COL20A1: variants seen among roughly 807,000 people sequenced by gnomAD.
COL20A1 encodes collagen type XX alpha 1 chain.
COL20A1 carries 164 observed loss-of-function variants against 152.9 expected under a neutral mutation model. That is an observed-to-expected ratio of 1.07 (90% confidence interval 0.94 to 1.22). COL20A1 has a LOEUF of 1.22. COL20A1 is among the 50% of genes most tolerant of loss of function. COL20A1 has a pLI of 0.00. For missense variants in COL20A1, 1,873 were observed against 1,744.8 expected (o/e 1.07, Z -1.31); for synonymous variants, 864 against 756.0 (o/e 1.14, Z -2.34).
Position 63,311,562 on chromosome 20 carries a change from G to C in COL20A1, c.1539+23G>C. On this transcript the variant is annotated intron_variant, in intron 12 of 35. Transcript: ENST00000358894. The surrounding 1 kb of genome is among the most constrained non-coding windows in gnomAD (Gnocchi z 4.4). ...GAGGTGAGCTGGGCCGGGGGGTGGC[G>C]GGGGAGGCAGAGGAGTGGGGCAGAG... The C allele has an allele frequency of 6.2e-7, 1 of 1,606,662 alleles. No homozygotes were observed.
chr20:63,326,885 C>T, intron 31 of COL20A1, 62 bp downstream of exon 31: 1 of 1,176,538 alleles, frequency 8.5e-7, no homozygotes, highest in Non-Finnish European at 1.2e-6. Flanking sequence ...GTGCAAGCCC[C>T]ACATGCAACC....
In COL20A1 at chr20:63,322,607, G is replaced by T. The variant is rs79169316; in HGVS notation, c.3294+496G>T. On this transcript the variant is annotated intron_variant, in intron 27 of 35. Transcript: ENST00000358894. ...TCGGGGGCGGAGGTTCTGGTTCTGC[G>T]GAGAGGGATGTTGAAGACAGCGCGC... 1.3e-4 allele frequency among the ~76,000 whole-genome samples: 20 copies of T among 152,348 alleles called. No individual in the cohort carries two copies. The East Asian group carries it at 3.9e-3, about 29-fold the overall frequency.
intron 27 of COL20A1, chr20:63,324,351 T>G (rs928140200): frequency 7.2e-5 from 11 of 152,386 alleles, no homozygotes; most frequent in African/African-American, 2.4e-4. Flanking sequence ...CTCCAGAATT[T>G]TGTCAGAGAA....
Position 63,308,658 on chromosome 20 carries a change from A to T in COL20A1, c.892A>T (p.Thr298Ser), listed in dbSNP as rs766673950. The T allele has an allele frequency of 5.0e-6, 8 of 1,607,898 alleles. No homozygotes were observed. Among genetic ancestry groups the T allele is most frequent in the Non-Finnish European group, 6.8e-6 (8 of 1,177,688 alleles). The change falls in exon 8 of 36, where the codon ACT becomes TCT. Residue 298 changes from threonine to serine, a missense_variant. Thr to Ser is a moderately conservative substitution (Grantham distance 58). Coordinates refer to ENST00000358894, the MANE Select transcript of COL20A1 (RefSeq NM_020882.4). The part of the protein sequence containing the change: ...TDGKSQDDVH[T>S]AARVLKDLGV... ...CGGCAAGTCCCAGGACGATGTGCAC[A>T]CTGCTGCCCGTGTCCTCAAGGACCT...
chr20:63,300,949 AT>A (rs1490543777), intron 3 of COL20A1, among the ~76,000 whole-genome samples: 1 of 152,156 alleles, frequency 6.6e-6, no homozygotes, highest in East Asian at 1.9e-4. Flanking sequence ...TTTTCTACTT[AT>A]TTTTTGTTTT....
intron 27 of COL20A1, chr20:63,324,489 C>T (rs2068214380): frequency 6.6e-6 from 1 of 152,180 alleles, no homozygotes; most frequent in Non-Finnish European, 1.5e-5. Context: ...GAAGTCCATC[C>T]ACTCTTCTTT....
intron 20 of COL20A1, among the ~76,000 whole-genome samples, chr20:63,315,643 G>T (rs2068074777): frequency 6.6e-6 from 1 of 152,246 alleles, no homozygotes. Flanking sequence ...CGAAGGTTAT[G>T]TAAGGTCAGG....
intron 3 of COL20A1, among the ~76,000 whole-genome samples, chr20:63,304,223 G>C (rs2067894698): frequency 3.2e-5 from 3 of 94,548 alleles, no homozygotes; most frequent in Non-Finnish European, 4.3e-5. Context: ...CTCCCTCCAG[G>C]TGTGCACGTG....
intron 20 of COL20A1, among the ~76,000 whole-genome samples, chr20:63,316,011 T>G (rs1001874207): frequency 1.3e-5 from 2 of 152,196 alleles, no homozygotes; most frequent in African/African-American, 4.8e-5. Context: ...CACCTGCGGC[T>G]CTGCGCGGTG....
At chr20:63,303,583 G>T (rs2067884248) in intron 3 of COL20A1, among the ~76,000 whole-genome samples, 1 of 152,176 alleles carries the variant, frequency 6.6e-6, no homozygotes, top group Admixed American at 6.5e-5. Context: ...GAAATGCTTA[G>T]GATACTGCCA....
intron 19 of COL20A1, among the ~76,000 whole-genome samples, chr20:63,315,043 A>G (rs1003546783): frequency 3.4e-5 from 5 of 146,374 alleles, no homozygotes; most frequent in Admixed American, 6.7e-5. Flanking sequence ...CAGCCTGCCC[A>G]CACACCAGGC....
In COL20A1 at chr20:63,309,353, G is replaced by A. The variant is rs764357488; in HGVS notation, c.961G>A (p.Ala321Thr). The A allele has an allele frequency of 1.3e-6, 2 of 1,520,196 alleles. No homozygotes were observed. The highest frequency in any genetic ancestry group is 2.0e-5 in the Admixed American group (1 of 49,294). The allele number at this position is 1,520,196 out of a possible 1,614,324, so 94.2% of individuals were successfully genotyped here. A position where few individuals can be genotyped will look rare whatever the true frequency, so the allele number is the denominator to read the frequency against. ...FAVGVKNADEAELRLLASPPR... is the reference protein window; with the variant it reads ...FAVGVKNADETELRLLASPPR... ...AGCAGGTGTGAAGAACGCCGATGAGGCTGAGCTGAGGCTCCTGGCGTCCCC... is the reference window on the plus strand; with the variant it reads ...AGCAGGTGTGAAGAACGCCGATGAGACTGAGCTGAGGCTCCTGGCGTCCCC... The change falls in exon 9 of 36, where the codon GCT becomes ACT. Residue 321 changes from alanine (A) to threonine (T), a missense_variant. Physicochemically the swap from Ala to Thr is moderately conservative, Grantham distance 58. Transcript: ENST00000358894.
chr20:63,320,311 G>T lies in COL20A1; in HGVS notation c.3096G>T (p.Gln1032His). ...SSAAFQLQML[Q>H]IVCSDTWADE... ...TGCAGTTTCAGCTCCAGATGCTGCA[G>T]ATCGTGTGCAGTGACACCTGGGCCG... Residue 1032 changes from glutamine to histidine, a missense_variant, in exon 25 of 36, where the codon CAG (glutamine) becomes CAT (histidine). Coordinates refer to ENST00000358894, the MANE Select transcript of COL20A1 (RefSeq NM_020882.4). 1.2e-6 allele frequency: 2 copies of T among 1,610,852 alleles called. No homozygotes were observed. Among genetic ancestry groups the T allele is most frequent in the South Asian group, 1.1e-5 (1 of 91,058 alleles).
chr20:63,312,520 C>G lies in COL20A1; in HGVS notation c.1904C>G (p.Ser635Cys). 1 of 1,603,742 alleles carries G rather than the reference C, an allele frequency of 6.2e-7. No homozygotes were observed. The highest frequency in any genetic ancestry group is 8.5e-7 in the Non-Finnish European group (1 of 1,176,836). Residue 635 changes from serine (S) to cysteine (C), a missense_variant, in exon 15 of 36, where the codon TCC becomes TGC. By Grantham distance (112) the Ser-to-Cys change is moderately radical. Transcript: ENST00000358894. Reference sequence around the variant, plus strand: ...ACCTGCCTCTACCCTGGGGGTGGCTCCTCTACGCTGACTGGCCGGGTGACC... The same window carrying G: ...ACCTGCCTCTACCCTGGGGGTGGCTGCTCTACGCTGACTGGCCGGGTGACC... ...RVTCLYPGGGSSTLTGRVTTK... is the reference protein window; with the variant it reads ...RVTCLYPGGGCSTLTGRVTTK...
At chr20:63,296,968 C>T (rs1228585505) in intron 2 of COL20A1, among the ~76,000 whole-genome samples, 2 of 152,246 alleles carry the variant, frequency 1.3e-5, no homozygotes, top group East Asian at 3.8e-4. Context: ...GGGGCACCAA[C>T]CCTCTCCAGA....
At position 63,307,991 on chromosome 20, in the gene COL20A1, G is replaced by C. The variant is rs2067950270; in HGVS notation, c.676G>C (p.Asp226His). Residue 226 changes from aspartate to histidine, a missense_variant, in exon 7 of 36, where the codon GAT becomes CAT. Transcript: ENST00000358894. Reference sequence around the variant, plus strand: ...CCCAGGCCTGACTCAGTACAGCGGGGATGCTCAGACTGAGTGGGACCTGAA... The same window carrying C: ...CCCAGGCCTGACTCAGTACAGCGGGCATGCTCAGACTGAGTGGGACCTGAA... ...VQVGLTQYSG[D>H]AQTEWDLNSL... 4 of 1,612,600 alleles carry C rather than the reference G, an allele frequency of 2.5e-6. No individual in the cohort carries two copies. The East Asian group carries it at 8.9e-5, about 36-fold the overall frequency.
chr20:63,299,984 T>C (rs191347594), intron 3 of COL20A1, among the ~76,000 whole-genome samples: 1 of 152,140 alleles, frequency 6.6e-6, no homozygotes, highest in Admixed American at 6.5e-5. Flanking sequence ...GGCACAGTCA[T>C]AGCTCACTGC....
intron 5 of COL20A1, among the ~76,000 whole-genome samples, 182 bp from the exon 6 acceptor site, chr20:63,307,308 G>T (rs190271853): frequency 6.6e-6 from 1 of 152,356 alleles, no homozygotes; most frequent in Admixed American, 6.5e-5. Flanking sequence ...GTGGCTCGAT[G>T]TGCAGCCGTG....
chr20:63,326,020 G>A, intron 29 of COL20A1, 76 bp from the exon 30 acceptor site: 2 of 1,319,268 alleles, frequency 1.5e-6, no homozygotes, highest in Non-Finnish European at 1.1e-6. Context: ...GTTGGGTGCT[G>A]CTGGGGGGCT....
Sources: gnomAD v4.1 joint callset for allele counts (sites outside exome capture counted in the v4.1 genomes callset) on GRCh38, gnomAD v4.1.1 for gene constraint, Gnocchi (gnomAD v3.1) non-coding constraint, MANE v1.5 for transcripts, NCBI Gene and HGNC (gene_info 2026-07-23, HGNC 2026-07-21) for gene names.